The following AOPEP variants were observed in gnomAD, a reference collection of about 807,000 sequenced individuals.
AOPEP encodes the protein aminopeptidase O (putative), also known as aminopeptidase O.
AOPEP carries 77 observed loss-of-function variants against 98.1 expected under a neutral mutation model. The observed-to-expected ratio is 0.78, with a 90% CI of 0.65 to 0.95. The LOEUF (loss-of-function observed/expected upper bound fraction) is 0.95. Among genes scored for constraint, AOPEP ranks in the 40% least tolerant of loss-of-function variants. The pLI is 0.00. For missense variants in AOPEP, 1,024 were observed against 1,024.7 expected, an observed-to-expected ratio of 1.00 and a Z score of 0.01; for synonymous variants, 346 against 365.3, an observed-to-expected ratio of 0.95 and a Z score of 0.60.
rs1038035233 is a variant in AOPEP at position 95,086,696 on chromosome 9, AG to A, written c.*20del. On this transcript the variant is annotated 3_prime_UTR_variant, in exon 17 of 17. Transcript: ENST00000375315. ...TTCCTTTGCAGGAAAGACCACAGCA[AG>A]ATTCTTTCATTCGTCTCCTCCTAGC... 1 of 988,136 alleles carries A rather than the reference AG, an allele frequency of 1.0e-6. No individual in the cohort carries two copies. The highest frequency in any genetic ancestry group is 1.7e-5 in the African/African-American group (1 of 57,296). 61.2% of individuals were successfully genotyped at this position (988,136 alleles called of 1,614,324 possible).
chr9:95,088,051 G>A (rs1021324694), downstream of AOPEP, among the ~76,000 whole-genome samples: 1 of 152,204 alleles, frequency 6.6e-6, no homozygotes, highest in Admixed American at 6.5e-5. Context: ...TTTGCTCTCT[G>A]CTGTCACATG....
chr9:94,901,641 G>A lies in AOPEP; in HGVS notation c.1365-22345G>A, dbSNP rs55949944. Among the ~76,000 whole-genome samples, 799 of 152,234 alleles carry A rather than the reference G, an allele frequency of 5.2e-3. 13 individuals carry two copies. The highest frequency in any genetic ancestry group is 0.042 in the South Asian group (205 of 4,824). ...TAAAATGTGTATAATAACTTTTCAC[G>A]TAGAAAAGTGCTGAGAAGGCTGGGT... On this transcript the variant is annotated intron_variant, in intron 5 of 16. Transcript: ENST00000375315.
intron 1 of AOPEP, among the ~76,000 whole-genome samples, chr9:94,739,143 C>T (rs762730267): frequency 9.2e-5 from 14 of 152,144 alleles, no homozygotes; most frequent in Non-Finnish European, 1.8e-4. Flanking sequence ...CCTCTGCTCT[C>T]AGAGCTGCCT....
At chr9:94,897,662 T>C (rs1344224591) in intron 5 of AOPEP, among the ~76,000 whole-genome samples, 3 of 152,188 alleles carry the variant, frequency 2.0e-5, no homozygotes, top group Non-Finnish European at 4.4e-5. Context: ...AAGTTTCTTA[T>C]TTTATCAAGT....
chr9:94,785,845 T>C (rs1844314417), intron 3 of AOPEP, among the ~76,000 whole-genome samples: 1 of 152,228 alleles, frequency 6.6e-6, no homozygotes, highest in African/African-American at 2.4e-5. Flanking sequence ...GGATGGCTCA[T>C]TTAAAGTAAA....
intron 1 of AOPEP, among the ~76,000 whole-genome samples, chr9:94,744,251 G>T (rs1833924570): frequency 6.6e-6 from 1 of 152,084 alleles, no homozygotes; most frequent in Admixed American, 6.5e-5. Context: ...AATTAGCTGG[G>T]TGTGGTGGCA....
intron 3 of AOPEP, among the ~76,000 whole-genome samples, chr9:94,789,998 C>T (rs1235099849): frequency 2.6e-5 from 4 of 151,908 alleles, no homozygotes; most frequent in African/African-American, 4.8e-5. Context: ...TTCAGCCTCC[C>T]GAGTAGCTGG....
At chr9:95,128,653 T>C in the AOPEP span, among the ~76,000 whole-genome samples, 1 of 152,228 alleles carries the variant, frequency 6.6e-6, no homozygotes, top group Non-Finnish European at 1.5e-5. Context: ...TCTGCTCCTC[T>C]TCTGTGCGCT....
chr9:95,113,892 G>A, the AOPEP span: 1 of 153,342 alleles, frequency 6.5e-6, no homozygotes, highest in Admixed American at 6.5e-5. Flanking sequence ...CAAGTGCTGG[G>A]ATTACAGGTG....
chr9:94,939,022 G>A (rs1018676495), intron 7 of AOPEP, among the ~76,000 whole-genome samples: 5 of 152,214 alleles, frequency 3.3e-5, no homozygotes, highest in Admixed American at 6.5e-5. Context: ...GGCCGAGGCC[G>A]GCAGATCACA....
chr9:94,748,838 T>G (rs994440614), intron 1 of AOPEP, among the ~76,000 whole-genome samples: 2 of 152,208 alleles, frequency 1.3e-5, no homozygotes, highest in Non-Finnish European at 2.9e-5. Flanking sequence ...AGAGGTAAGG[T>G]ACCCTTCTCA....
Position 95,036,702 on chromosome 9 carries a change from C to CTTTTTTTTTTT in AOPEP, c.2116-23982_2116-23981insTTTTTTTTTTT, listed in dbSNP as rs58616523. Among the ~76,000 whole-genome samples the CTTTTTTTTTTT allele has an allele frequency of 3.7e-3, 506 of 135,666 alleles. 4 individuals carry two copies. Among genetic ancestry groups the CTTTTTTTTTTT allele is most frequent in the African/African-American group, 0.01 (380 of 37,722 alleles). The allele number at this position is 135,666 out of a possible 152,430, so 89.0% of individuals were successfully genotyped here. On this transcript the variant is annotated intron_variant, in intron 13 of 16. Transcript: ENST00000375315. ...TTTCTTGTTCTTCTTTCTTCTTCTT[C>CTTTTTTTTTTT]TTTTTTTTTTGTGGGGAATAAAACT...
At chr9:94,987,316 C>A (rs2060581299) in intron 11 of AOPEP, among the ~76,000 whole-genome samples, 1 of 152,368 alleles carries the variant, frequency 6.6e-6, no homozygotes, top group Admixed American at 6.5e-5. Flanking sequence ...TGAAGCCAAT[C>A]TTGAAGGACA....
intron 5 of AOPEP, among the ~76,000 whole-genome samples, chr9:94,837,484 G>A (rs2041757148): frequency 6.6e-6 from 1 of 152,180 alleles, no homozygotes; most frequent in South Asian, 2.1e-4. Flanking sequence ...CAGTATCCCT[G>A]ATGAACATAG....
At chr9:95,092,135 G>T (rs2070876274), downstream of AOPEP, among the ~76,000 whole-genome samples, 1 of 152,100 alleles carries the variant, frequency 6.6e-6, no homozygotes, top group Non-Finnish European at 1.5e-5. Flanking sequence ...ATGCAGAAAT[G>T]CAGAGAAAGA....
chr9:95,012,235 A>T (rs2132929172), intron 13 of AOPEP, among the ~76,000 whole-genome samples: 1 of 152,368 alleles, frequency 6.6e-6, no homozygotes, highest in South Asian at 2.1e-4. Flanking sequence ...CTAGACCACC[A>T]GCATAAAGCA....
intron 9 of AOPEP, among the ~76,000 whole-genome samples, chr9:94,961,187 C>T (rs775896291): frequency 6.6e-6 from 1 of 152,084 alleles, no homozygotes; most frequent in Non-Finnish European, 1.5e-5. Flanking sequence ...CCTGCTTTTC[C>T]CCCTTTCTGC....
intron 5 of AOPEP, among the ~76,000 whole-genome samples, chr9:94,849,529 T>C (rs749660179): frequency 2.7e-5 from 4 of 149,760 alleles, no homozygotes; most frequent in Non-Finnish European, 5.9e-5. Flanking sequence ...TGCAGTAATA[T>C]CTTCAAATAC....
In AOPEP at chr9:95,043,657, GTTTGT is replaced by G. The variant is rs996601641; in HGVS notation, c.2116-17018_2116-17014del. On this transcript the variant is annotated intron_variant, in intron 13 of 16. Coordinates refer to ENST00000375315, the MANE Select transcript of AOPEP (RefSeq NM_001193329.3). ...GTGCACACATCTGTATAATTTTTAGGTTTGTTTTGTTTTGTTTTGTTTTTGAGACA... is the reference window on the plus strand; with the variant it reads ...GTGCACACATCTGTATAATTTTTAGGTTTGTTTTGTTTTGTTTTTGAGACA... 7.4e-5 allele frequency among the ~76,000 whole-genome samples: 11 copies of G among 149,112 alleles called. No individual in the cohort carries two copies. In the South Asian group the frequency reaches 8.7e-4, roughly 12 times the overall value.
Sources: gnomAD v4.1 joint callset for allele counts (sites outside exome capture counted in the v4.1 genomes callset) on GRCh38, gnomAD v4.1.1 for gene constraint, MANE v1.5 for transcripts, NCBI Gene and HGNC (gene_info 2026-07-23, HGNC 2026-07-21) for gene names.